Variants in SCFD2 observed in about 807,000 individuals in gnomAD.
SCFD2 encodes sec1 family domain containing 2, also known as sec1 family domain-containing protein 2.
In SCFD2, 54 loss-of-function variants were observed where a neutral mutation model predicts 58.9. That is an observed-to-expected ratio of 0.92 (90% confidence interval 0.74 to 1.15). The LOEUF (loss-of-function observed/expected upper bound fraction) is 1.15, where lower values mean the gene tolerates loss of function less well. Ranked by LOEUF, SCFD2 falls within the 50% of genes most tolerant of loss-of-function variation. The probability of loss-of-function intolerance (pLI) is 0.00; values close to 1 mark genes in which losing one functional copy is unlikely to be tolerated. For missense variants in SCFD2, 805 were observed against 836.6 expected (o/e 0.96, Z 0.47); for synonymous variants, 321 against 335.9 (o/e 0.96, Z 0.49).
intron 4 of SCFD2, among the ~76,000 whole-genome samples, chr4:53,172,790 C>T (rs1727218497): frequency 6.6e-6 from 1 of 152,112 alleles, no homozygotes; most frequent in South Asian, 2.1e-4. Context: ...ATTTCATGTG[C>T]AGTTGAAAAG....
chr4:53,257,269 T>C (rs942549639), intron 4 of SCFD2, among the ~76,000 whole-genome samples: 7 of 152,170 alleles, frequency 4.6e-5, no homozygotes, highest in Non-Finnish European at 8.8e-5. Flanking sequence ...ATGAGCAGGC[T>C]AGGCCTCCCA....
chr4:53,305,469 C>T (rs1732483718), intron 3 of SCFD2, among the ~76,000 whole-genome samples: 1 of 152,148 alleles, frequency 6.6e-6, no homozygotes, highest in African/African-American at 2.4e-5. Flanking sequence ...ACATAATAAG[C>T]ACACATACTA....
intron 5 of SCFD2, among the ~76,000 whole-genome samples, chr4:53,139,453 C>T (rs1457908042): frequency 7.6e-6 from 1 of 131,210 alleles, no homozygotes; most frequent in East Asian, 2.2e-4. Context: ...TGCCCCGCCG[C>T]CACCCCGTCT....
chr4:53,252,952 G>A (rs372152371), intron 4 of SCFD2, among the ~76,000 whole-genome samples: 19 of 152,010 alleles, frequency 1.2e-4, no homozygotes, highest in South Asian at 4.2e-4. Flanking sequence ...TGAACAGGCA[G>A]CCTACAAAAT....
At chr4:53,283,809 G>A (rs1486662121) in intron 3 of SCFD2, among the ~76,000 whole-genome samples, 1 of 151,838 alleles carries the variant, frequency 6.6e-6, no homozygotes, top group African/African-American at 2.4e-5. Context: ...TTACCGTAAC[G>A]TAACATAATT....
chr4:53,334,140 T>TAC, intron 2 of SCFD2, among the ~76,000 whole-genome samples: 1 of 151,940 alleles, frequency 6.6e-6, no homozygotes, highest in Non-Finnish European at 1.5e-5. Flanking sequence ...GGAACACTTT[T>TAC]ACACTGTTGG....
chr4:53,278,098 G>A (rs985199967), intron 3 of SCFD2, among the ~76,000 whole-genome samples: 1 of 152,006 alleles, frequency 6.6e-6, no homozygotes, highest in African/African-American at 2.4e-5. Flanking sequence ...CAGGCGCAGT[G>A]GCTCACGCCT....
At chr4:53,315,610 A>T (rs1323489024) in intron 2 of SCFD2, among the ~76,000 whole-genome samples, 1 of 152,180 alleles carries the variant, frequency 6.6e-6, no homozygotes, top group Non-Finnish European at 1.5e-5. Flanking sequence ...TCAGAAAGTT[A>T]CTTAATTTCT....
At chr4:53,357,579 A>T (rs781601468) in intron 1 of SCFD2, among the ~76,000 whole-genome samples, 9 of 152,232 alleles carry the variant, frequency 5.9e-5, no homozygotes, top group African/African-American at 1.9e-4. Flanking sequence ...ATGTGAGGTT[A>T]TCCTGGCATG....
chr4:53,220,740 A>G (rs559096383), intron 4 of SCFD2, among the ~76,000 whole-genome samples: 2 of 152,340 alleles, frequency 1.3e-5, no homozygotes, highest in South Asian at 4.1e-4. Context: ...ACATATCACA[A>G]GAGTCCCAAA....
chr4:53,226,412 T>C (rs1487549218), intron 4 of SCFD2, among the ~76,000 whole-genome samples: 2 of 152,134 alleles, frequency 1.3e-5, no homozygotes, highest in African/African-American at 4.8e-5. Context: ...TATATTGATA[T>C]ATAATATTGA....
intron 6 of SCFD2, among the ~76,000 whole-genome samples, chr4:52,918,695 A>C (rs1226736690): frequency 1.3e-5 from 2 of 152,168 alleles, no homozygotes; most frequent in Non-Finnish European, 2.9e-5. Flanking sequence ...TATTTATTTT[A>C]TTCTATTTTT....
chr4:52,977,149 T>C (rs1393952386), intron 5 of SCFD2, among the ~76,000 whole-genome samples: 1 of 152,150 alleles, frequency 6.6e-6, no homozygotes, highest in African/African-American at 2.4e-5. Flanking sequence ...GAGAGTTGAC[T>C]CCTTGTACTG....
At chr4:53,026,982 A>G (rs1231308611) in intron 5 of SCFD2, among the ~76,000 whole-genome samples, 2 of 152,228 alleles carry the variant, frequency 1.3e-5, no homozygotes, top group Admixed American at 6.5e-5. Context: ...TGAAACAGCA[A>G]TGAATTGCCT....
chr4:53,174,487 G>C (rs35660880), intron 4 of SCFD2, among the ~76,000 whole-genome samples: 40,836 of 152,058 alleles, frequency 0.27, 6,006 homozygotes, highest in Non-Finnish European at 0.33. Flanking sequence ...AGTGGCTGCA[G>C]ATGTATCAAT....
intron 5 of SCFD2, among the ~76,000 whole-genome samples, chr4:53,013,498 T>C (rs555447076): frequency 6.6e-6 from 1 of 152,362 alleles, no homozygotes; most frequent in East Asian, 1.9e-4. Flanking sequence ...CATGTGGCTT[T>C]TTTTCCTCAT....
chr4:53,036,251 G>A (rs894017422), intron 5 of SCFD2, among the ~76,000 whole-genome samples: 4 of 150,650 alleles, frequency 2.7e-5, no homozygotes, highest in Non-Finnish European at 4.4e-5. Flanking sequence ...GATGGTCCCC[G>A]CCCTGTGTCC....
In SCFD2 at chr4:52,955,069, G is replaced by A. The variant is rs1036986454; in HGVS notation, c.1562-34199C>T. ...TGGTGGCTACTTTCCTCCCACCTTCGAGCTTCACCTTTGTCCTCTCTCCCA... is the reference window on the plus strand; with the variant it reads ...TGGTGGCTACTTTCCTCCCACCTTCAAGCTTCACCTTTGTCCTCTCTCCCA... On this transcript the variant is annotated intron_variant, in intron 5 of 8. Transcript: ENST00000401642. Among the ~76,000 whole-genome samples the A allele has an allele frequency of 4.6e-5, 7 of 152,200 alleles. No individual in the cohort carries two copies. The East Asian group carries it at 5.8e-4, about 13-fold the overall frequency.
At chr4:53,285,020 T>G (rs776407991) in intron 3 of SCFD2, among the ~76,000 whole-genome samples, 8 of 152,206 alleles carry the variant, frequency 5.3e-5, no homozygotes, top group African/African-American at 1.9e-4. Flanking sequence ...GCACTTTAAT[T>G]ACATGAATCA....
Sources: allele counts gnomAD v4.1 joint callset (sites outside exome capture counted in the v4.1 genomes callset), GRCh38; gene constraint gnomAD v4.1.1; transcripts MANE v1.5; gene names NCBI Gene and HGNC (gene_info 2026-07-23, HGNC 2026-07-21).